Variants in RGPD1 observed in about 807,000 individuals in gnomAD.
RGPD1 encodes RANBP2-like and GRIP domain-containing protein 1.
RGPD1 carries 7 observed loss-of-function variants against 40.6 expected under a neutral mutation model. That is an observed-to-expected ratio of 0.17 (90% CI 0.10 to 0.32). The LOEUF is 0.32. Among genes scored for constraint, RGPD1 ranks in the 10% least tolerant of loss-of-function variants. The pLI, the probability that RGPD1 is intolerant of heterozygous loss-of-function variation, is 1.00. For missense variants in RGPD1, 50 were observed against 472.5 expected, an observed-to-expected ratio of 0.11 and a Z score of 8.29; for synonymous variants, 24 against 167.0, an observed-to-expected ratio of 0.14 and a Z score of 6.60.
At chr2:86,939,564 G>C (rs544885032), upstream of RGPD1, among the ~76,000 whole-genome samples, 49 of 133,894 alleles carry the variant, frequency 3.7e-4, no homozygotes, top group African/African-American at 1.5e-3. Context: ...GGACCACAGA[G>C]TGAAACTCCG....
In RGPD1 at chr2:86,931,732, AAG is replaced by A. The variant is rs1678980638; in HGVS notation, c.72+17816_72+17817del. On this transcript the variant is annotated intron_variant, in intron 1 of 22. Transcript: ENST00000398193. ...ATAATCAAGTTCCAAGTAGTTTCTA[AAG>A]AGAGTAAACATTAAAAGTAAACATA... Among the ~76,000 whole-genome samples the A allele has an allele frequency of 2.6e-5, 4 of 151,486 alleles. No individual in the cohort carries two copies. In the South Asian group the frequency reaches 8.3e-4, roughly 31 times the overall value.
At chr2:86,914,131 G>GGGC (rs1168224704) in intron 1 of RGPD1, among the ~76,000 whole-genome samples, 343 of 27,374 alleles carry the variant, frequency 0.013, 66 homozygotes, top group African/African-American at 0.035. Flanking sequence ...CGGCCTGGCC[G>GGGC]GGCGGCGGCG....
intron 1 of RGPD1, among the ~76,000 whole-genome samples, chr2:86,945,444 A>G (rs368907066): frequency 4.9e-4 from 74 of 151,028 alleles, no homozygotes; most frequent in East Asian, 1.7e-3. Context: ...AAAGAGGTTA[A>G]TATTCTCCCC....
At chr2:86,923,461 C>A (rs1433253197) in intron 1 of RGPD1, among the ~76,000 whole-genome samples, 1 of 151,458 alleles carries the variant, frequency 6.6e-6, no homozygotes, top group African/African-American at 2.4e-5. Flanking sequence ...ACTCATGTAA[C>A]CTACACTCCT....
At chr2:86,930,681 C>G (rs543586584) in intron 1 of RGPD1, 14 of 1,609,814 alleles carry the variant, frequency 8.7e-6, no homozygotes, top group East Asian at 2.2e-5. Context: ...GCACAGCTCT[C>G]GAAGCTGCTG....
chr2:86,954,551 C>T (rs1308570621), intron 4 of RGPD1, among the ~76,000 whole-genome samples: 1 of 26,260 alleles, frequency 3.8e-5, no homozygotes, highest in African/African-American at 1.0e-4. Context: ...ACATGATGCT[C>T]AAAGAAATGC....
At chr2:86,942,791 CT>C (rs1360923574) in intron 1 of RGPD1, among the ~76,000 whole-genome samples, 1 of 151,794 alleles carries the variant, frequency 6.6e-6, no homozygotes, top group Admixed American at 6.6e-5. Flanking sequence ...CGCCGGCCGG[CT>C]GGCGCAGTCC....
Position 86,987,183 on chromosome 2 carries a change from TGGA to T in RGPD1, c.4286_4288del (p.Gly1429del). ...TGTGGACTGCATGTGATTTTGCAGA[TGGA>T]GAAAGAAAAGTAGAGCATTTAGCTG... On this transcript the variant is annotated inframe_deletion, in exon 20 of 23. Transcript: ENST00000641458. 1 of 864,970 alleles carries T rather than the reference TGGA, an allele frequency of 1.2e-6. No homozygotes were observed. The highest frequency in any genetic ancestry group is 1.6e-6 in the Non-Finnish European group (1 of 611,926). The allele number at this position is 864,970 out of a possible 1,614,324, so 53.6% of individuals were successfully genotyped here.
intron 17 of RGPD1, 114 bp downstream of exon 17, chr2:86,978,045 TGGCAA>T: frequency 4.8e-6 from 3 of 629,826 alleles, no homozygotes; most frequent in Non-Finnish European, 4.7e-6. Flanking sequence ...CCAAATAGTA[TGGCAA>T]GGGGACATTT....
chr2:86,914,968 C>T (rs1242378134), intron 1 of RGPD1, among the ~76,000 whole-genome samples: 2 of 144,346 alleles, frequency 1.4e-5, no homozygotes, highest in Non-Finnish European at 3.0e-5. Flanking sequence ...GCCTAAGGTA[C>T]TTCTGTTGGG....
chr2:86,925,460 G>A (rs1224269094), intron 1 of RGPD1, among the ~76,000 whole-genome samples: 1 of 151,146 alleles, frequency 6.6e-6, no homozygotes, highest in East Asian at 2.0e-4. Flanking sequence ...TAGAGACCAC[G>A]TTTCACCATG....
chr2:86,923,477 GAC>G (rs969435102), intron 1 of RGPD1, among the ~76,000 whole-genome samples: 21 of 151,116 alleles, frequency 1.4e-4, no homozygotes, highest in African/African-American at 4.6e-4. Context: ...CTCCTATATA[GAC>G]ACAGAATATT....
chr2:86,931,816 C>T (rs1678986739), intron 1 of RGPD1, among the ~76,000 whole-genome samples: 1 of 148,802 alleles, frequency 6.7e-6, no homozygotes, highest in African/African-American at 2.5e-5. Flanking sequence ...AAATAAAGAT[C>T]CTAGATTTGG....
chr2:86,924,648 G>T (rs543386435), intron 1 of RGPD1, among the ~76,000 whole-genome samples: 2 of 150,928 alleles, frequency 1.3e-5, no homozygotes, highest in Non-Finnish European at 3.0e-5. Context: ...AATTTTTTTG[G>T]CAGAGACAAG....
chr2:86,928,682 G>A (rs1405474814), intron 1 of RGPD1, among the ~76,000 whole-genome samples: 8 of 152,208 alleles, frequency 5.3e-5, no homozygotes, highest in African/African-American at 1.2e-4. Context: ...TATTGTAAAC[G>A]TCTAGAAATC....
At chr2:86,926,819 A>G (rs1678541379) in intron 1 of RGPD1, among the ~76,000 whole-genome samples, 1 of 152,120 alleles carries the variant, frequency 6.6e-6, no homozygotes, top group South Asian at 2.1e-4. Context: ...GAACCCAGGT[A>G]TTATTATTTT....
In RGPD1 at chr2:86,954,815, G is replaced by A. The variant is rs552178357; in HGVS notation, c.402+1165G>A. 9.6e-5 allele frequency among the ~76,000 whole-genome samples: 14 copies of A among 146,142 alleles called. No individual in the cohort carries two copies. In the South Asian group the frequency reaches 2.7e-3, roughly 29 times the overall value. On this transcript the variant is annotated intron_variant, in intron 4 of 22. Coordinates refer to ENST00000641458, the MANE Select transcript of RGPD1 (RefSeq NM_001382344.1). ...TGTGTAGATTCATACCACCACTACTGTCAAGATACAGAGCTACTCTATTAC... is the reference window on the plus strand; with the variant it reads ...TGTGTAGATTCATACCACCACTACTATCAAGATACAGAGCTACTCTATTAC...
At chr2:86,944,039 A>G (rs1680140288) in intron 1 of RGPD1, among the ~76,000 whole-genome samples, 1 of 152,046 alleles carries the variant, frequency 6.6e-6, no homozygotes, top group Non-Finnish European at 1.5e-5. Context: ...CAAAAAACGG[A>G]AACTCAACGG....
chr2:86,938,487 A>G (rs529567069), upstream of RGPD1, among the ~76,000 whole-genome samples: 2 of 139,394 alleles, frequency 1.4e-5, no homozygotes, highest in Non-Finnish European at 3.0e-5. Flanking sequence ...AGAACTATAC[A>G]TATGCTATTT....
Sources: allele counts gnomAD v4.1 joint callset (sites outside exome capture counted in the v4.1 genomes callset), GRCh38; gene constraint gnomAD v4.1.1; transcripts MANE v1.5; gene names NCBI Gene and HGNC (gene_info 2026-07-23, HGNC 2026-07-21).